HMGN5: variants seen among roughly 807,000 people sequenced by gnomAD.
HMGN5 encodes the protein high mobility group nucleosome-binding domain-containing protein 5.
Under a neutral mutation model 9.5 loss-of-function variants are expected in HMGN5, and 4 were observed. That is an observed-to-expected ratio of 0.42 (90% CI 0.21 to 0.96). The LOEUF is 0.96. Among genes scored for constraint, HMGN5 ranks in the 40% least tolerant of loss-of-function variants. The probability of loss-of-function intolerance (pLI) is 0.30; values close to 1 mark genes in which losing one functional copy is unlikely to be tolerated. For synonymous variants in HMGN5, 55 were observed against 57.1 expected, an observed-to-expected ratio of 0.96 and a Z score of 0.16; for missense variants, 192 against 187.5, an observed-to-expected ratio of 1.02 and a Z score of -0.14.
chrX:81,142,011 T>A (rs893606652), intron 1 of HMGN5, among the ~76,000 whole-genome samples: 5 of 112,189 alleles, frequency 4.5e-5, no homozygotes, highest in African/African-American at 1.3e-4. Context: ...CAGACTGAAG[T>A]AATTAAAAGG....
At chrX:81,152,221 G>A (rs1042099146) in intron 1 of HMGN5, among the ~76,000 whole-genome samples, 7 of 111,191 alleles carry the variant, frequency 6.3e-5, no homozygotes, top group Non-Finnish European at 1.3e-4. Flanking sequence ...TACAAAATGG[G>A]AGAAAATTTT....
intron 5 of HMGN5, among the ~76,000 whole-genome samples, chrX:81,116,643 C>G (rs1450277754): frequency 8.9e-6 from 1 of 111,770 alleles, no homozygotes; most frequent in African/African-American, 3.3e-5. Flanking sequence ...CTGCCAAGGA[C>G]AAACTGCTGG....
At chrX:81,121,869 T>C (rs1332357360) in intron 1 of HMGN5, among the ~76,000 whole-genome samples, 197 bp from the exon 2 acceptor site, 2 of 112,424 alleles carry the variant, frequency 1.8e-5, no homozygotes, top group African/African-American at 6.5e-5. Context: ...CTCTAACCGC[T>C]GGTGTAGTGG....
chrX:81,151,273 T>C (rs1221595756), intron 1 of HMGN5, among the ~76,000 whole-genome samples: 2 of 111,773 alleles, frequency 1.8e-5, no homozygotes, highest in African/African-American at 6.5e-5. Context: ...TGCGACATTA[T>C]TTCTGAGGGC....
intron 1 of HMGN5, among the ~76,000 whole-genome samples, chrX:81,130,352 G>C (rs2075295192): frequency 9.0e-6 from 1 of 111,492 alleles, no homozygotes; most frequent in South Asian, 3.7e-4. Flanking sequence ...CATGTATAAA[G>C]TACTTTGTTA....
intron 1 of HMGN5, among the ~76,000 whole-genome samples, chrX:81,143,142 A>G (rs1190886466): frequency 8.9e-6 from 1 of 112,174 alleles, no homozygotes; most frequent in Non-Finnish European, 1.9e-5. Context: ...TACACAAAAA[A>G]TAAGAAACAA....
At chrX:81,195,391 G>A in intron 1 of HMGN5, 1 of 111,029 alleles carries the variant, frequency 9.0e-6, no homozygotes, top group Non-Finnish European at 1.9e-5. Flanking sequence ...GCTGGAAGCT[G>A]ATTAGATGGT....
intron 1 of HMGN5, among the ~76,000 whole-genome samples, chrX:81,155,540 A>G (rs780058535): frequency 8.4e-4 from 93 of 110,996 alleles, no homozygotes; most frequent in African/African-American, 2.9e-3. Context: ...TGGTTAAGCT[A>G]TGGAACATCT....
chrX:81,181,856 C>T lies in HMGN5; in HGVS notation c.-124+19881G>A, dbSNP rs1007725025. On this transcript the variant is annotated intron_variant, in intron 1 of 6. Transcript: ENST00000358130. The stretch of plus-strand genomic sequence containing the variant: ...ATCTTCATTCATTTGTTGACAGACC[C>T]TTAGGTTGCTTCCAAATCTTGGCTA... 3.6e-5 allele frequency among the ~76,000 whole-genome samples: 4 copies of T among 112,059 alleles called. No individual in the cohort carries two copies. The Admixed American group carries it at 3.8e-4, about 11-fold the overall frequency.
At chrX:81,201,238 A>C (rs1005591643) in intron 1 of HMGN5, among the ~76,000 whole-genome samples, 1 of 109,089 alleles carries the variant, frequency 9.2e-6, no homozygotes. Flanking sequence ...TTCATTTAAC[A>C]TAATCTGGGA....
chrX:81,191,509 T>C (rs1252198805), intron 1 of HMGN5, among the ~76,000 whole-genome samples: 1 of 112,107 alleles, frequency 8.9e-6, no homozygotes, highest in Non-Finnish European at 1.9e-5. Flanking sequence ...CTTTTCTTCA[T>C]CTATTGAGAT....
In HMGN5 at chrX:81,138,766, T is replaced by A. The variant is rs964994269; in HGVS notation, c.-123-17094A>T. On this transcript the variant is annotated intron_variant, in intron 1 of 6. Coordinates refer to ENST00000358130, the MANE Select transcript of HMGN5 (RefSeq NM_030763.3). ...AAGTCTATAAAAAAACCTCTAGAAC[T>A]AATAAGTGTGTTCAGTAAGTTTGGA... is the stretch of plus-strand genomic sequence containing the variant. Among the ~76,000 whole-genome samples the A allele has an allele frequency of 8.0e-5, 9 of 111,850 alleles. No homozygotes were observed. The East Asian group carries it at 2.2e-3, about 28-fold the overall frequency.
intron 1 of HMGN5, among the ~76,000 whole-genome samples, chrX:81,126,737 GT>G (rs2075284826): frequency 9.0e-6 from 1 of 111,266 alleles, no homozygotes; most frequent in African/African-American, 3.3e-5. Context: ...TATATACATA[GT>G]TATTGTTTAA....
At chrX:81,151,589 GTTC>G (rs2075362817) in intron 1 of HMGN5, among the ~76,000 whole-genome samples, 2 of 111,284 alleles carry the variant, frequency 1.8e-5, no homozygotes, top group African/African-American at 6.5e-5. Context: ...AGCATGGAAT[GTTC>G]TTCCATTTGT....
chrX:81,118,661 T>G, intron 4 of HMGN5, 69 bp downstream of exon 4: 1 of 976,606 alleles, frequency 1.0e-6, no homozygotes, highest in Non-Finnish European at 1.4e-6. Context: ...TATTGAATAT[T>G]TTAGGATTCC....
chrX:81,144,755 A>C (rs1327267890), intron 1 of HMGN5, among the ~76,000 whole-genome samples: 1 of 111,610 alleles, frequency 9.0e-6, no homozygotes, highest in African/African-American at 3.3e-5. Flanking sequence ...ACCTTGAAAA[A>C]AGGTTAGATG....
intron 1 of HMGN5, among the ~76,000 whole-genome samples, chrX:81,124,531 C>T (rs1164205600): frequency 8.9e-6 from 1 of 112,173 alleles, no homozygotes; most frequent in Non-Finnish European, 1.9e-5. Context: ...CTTGATTTTT[C>T]CTTTTTTTCC....
intron 1 of HMGN5, among the ~76,000 whole-genome samples, chrX:81,194,608 T>A (rs1191353798): frequency 1.8e-5 from 2 of 112,027 alleles, no homozygotes; most frequent in African/African-American, 6.5e-5. Flanking sequence ...AATGAGGACC[T>A]TACACTACTT....
rs1273777439 is a variant in HMGN5 at position 81,167,021 on chromosome X, G to C, written c.-124+34716C>G. ...AGAATAGATATCACTAGGCATAAGT[G>C]GGTGGTGATGTTCTCTGAGTATCAT... On this transcript the variant is annotated intron_variant, in intron 1 of 6. Transcript: ENST00000358130. Among the ~76,000 whole-genome samples the C allele has an allele frequency of 2.7e-5, 3 of 111,443 alleles. No individual in the cohort carries two copies. In the East Asian group the frequency reaches 8.5e-4, roughly 31 times the overall value.
Sources: gnomAD v4.1 joint callset for allele counts (sites outside exome capture counted in the v4.1 genomes callset) on GRCh38, gnomAD v4.1.1 for gene constraint, MANE v1.5 for transcripts, NCBI Gene and HGNC (gene_info 2026-07-23, HGNC 2026-07-21) for gene names.